The following GEMIN5 variants were observed in gnomAD, a reference collection of about 807,000 sequenced individuals.
GEMIN5 encodes the protein gem-associated protein 5.
Under a neutral mutation model 176.9 loss-of-function variants are expected in GEMIN5, and 124 were observed. That is an observed-to-expected ratio of 0.70 (90% CI 0.61 to 0.81). The LOEUF (loss-of-function observed/expected upper bound fraction) is 0.81, where lower values mean the gene tolerates loss of function less well. GEMIN5 is among the 40% of genes least tolerant of loss of function. The probability of loss-of-function intolerance (pLI) is 0.00; values close to 1 mark genes in which losing one functional copy is unlikely to be tolerated. For missense variants in GEMIN5, 1,843 were observed against 1,814.6 expected, an observed-to-expected ratio of 1.02 and a Z score of -0.28; for synonymous variants, 673 against 665.2, an observed-to-expected ratio of 1.01 and a Z score of -0.18.
At position 154,938,163 on chromosome 5, in the gene GEMIN5, T is replaced by C. The variant is rs1764312768; in HGVS notation, c.-30A>G. On this transcript the variant is annotated 5_prime_UTR_variant, in exon 1 of 28. Coordinates refer to ENST00000285873, the MANE Select transcript of GEMIN5 (RefSeq NM_015465.5). The stretch of plus-strand genomic sequence containing the variant: ...ACAAGCCGTCAGAGACAAGAGAAGC[T>C]GCCACAGCCGACCGCTCGTAGCCTC... 4 of 1,342,142 alleles carry C rather than the reference T, an allele frequency of 3.0e-6. No individual in the cohort carries two copies. Among genetic ancestry groups the C allele is most frequent in the African/African-American group, 3.0e-5 (2 of 66,406 alleles). 83.1% of individuals were successfully genotyped at this position (1,342,142 alleles called of 1,614,324 possible).
At chr5:154,889,062 G>A (rs1328057666) in intron 27 of GEMIN5, among the ~76,000 whole-genome samples, 1 of 152,056 alleles carries the variant, frequency 6.6e-6, no homozygotes, top group Non-Finnish European at 1.5e-5. Flanking sequence ...ATTTTTAGTA[G>A]AGACGGGGTT....
At chr5:154,921,451 A>C in intron 9 of GEMIN5, 26 bp from the exon 10 acceptor site, 1 of 1,043,746 alleles carries the variant, frequency 9.6e-7, no homozygotes, top group African/African-American at 1.6e-5. Context: ...GAGAGAGAAC[A>C]AATGGAGATT....
At chr5:154,936,253 A>G (rs1366767557) in intron 2 of GEMIN5, among the ~76,000 whole-genome samples, 1 of 152,042 alleles carries the variant, frequency 6.6e-6, no homozygotes, top group Non-Finnish European at 1.5e-5. Context: ...CATCTCTGCT[A>G]AAAACATAAA....
chr5:154,911,771 T>C lies in GEMIN5; in HGVS notation c.2123A>G (p.His708Arg). The change falls in exon 15 of 28, where the codon CAC becomes CGC. Residue 708 changes from histidine to arginine, a missense_variant. Coordinates refer to ENST00000285873, the MANE Select transcript of GEMIN5 (RefSeq NM_015465.5). ...IYSGADDFCV[H>R]KWLTSMQDHS... Reference sequence around the variant, plus strand: ...ATCTTGCATGGAAGTGAGCCACTTGTGCACACAAAAGTCATCTGCCCCTGA... The same window carrying C: ...ATCTTGCATGGAAGTGAGCCACTTGCGCACACAAAAGTCATCTGCCCCTGA... 3 of 1,614,076 alleles carry C rather than the reference T, an allele frequency of 1.9e-6. No individual in the cohort carries two copies. In the South Asian group the frequency reaches 3.3e-5, roughly 18 times the overall value.
In GEMIN5 at chr5:154,927,537, G is replaced by C; in HGVS notation, c.928C>G (p.Gln310Glu). The C allele has an allele frequency of 1.2e-6, 2 of 1,602,828 alleles. No individual in the cohort carries two copies. Among genetic ancestry groups the C allele is most frequent in the South Asian group, 2.2e-5 (2 of 90,420 alleles). Residue 310 changes from glutamine (Q) to glutamate (E), a missense_variant, in exon 7 of 28, where the codon CAA (glutamine) becomes GAA (glutamate). Transcript: ENST00000285873. Reference sequence around the variant, plus strand: ...CTCCAAGATTGAGTGAGATCCCATTGCAACAGTTCACCTCTGTGAAGGAAA... The same window carrying C: ...CTCCAAGATTGAGTGAGATCCCATTCCAACAGTTCACCTCTGTGAAGGAAA... ...VSSCFGGELL[Q>E]WDLTQSWRRK...
At chr5:154,900,123 G>A (rs1178841416) in intron 21 of GEMIN5, among the ~76,000 whole-genome samples, 2 of 152,198 alleles carry the variant, frequency 1.3e-5, no homozygotes, top group African/African-American at 2.4e-5. Flanking sequence ...TACCACTTGT[G>A]TGCCTGAGTT....
rs570595893 is a variant in GEMIN5, at chr5:154,927,219, A to T, written c.1080+166T>A. On this transcript the variant is annotated intron_variant, in intron 7 of 27. Transcript: ENST00000285873. Reference sequence around the variant, plus strand: ...TTTGGTGGGTCTTCACATTCTCCTTACATGTGAGCTATTGATATATTCAGT... The same window carrying T: ...TTTGGTGGGTCTTCACATTCTCCTTTCATGTGAGCTATTGATATATTCAGT... 2.0e-5 allele frequency among the ~76,000 whole-genome samples: 3 copies of T among 152,306 alleles called. No individual in the cohort carries two copies. The East Asian group carries it at 5.8e-4, about 29-fold the overall frequency.
At position 154,917,093 on chromosome 5, in the gene GEMIN5, T is replaced by G; in HGVS notation, c.1760A>C (p.His587Pro). ...HHKLVNTISW[H>P]HEHGSQPELS... Reference sequence around the variant, plus strand: ...TTCTGGCTGGCTGCCATGCTCATGATGCCAGCTAATGGTATTCACAAGCTT... The same window carrying G: ...TTCTGGCTGGCTGCCATGCTCATGAGGCCAGCTAATGGTATTCACAAGCTT... Residue 587 changes from histidine (H) to proline (P), a missense_variant, in exon 13 of 28, where the codon CAT (histidine) becomes CCT (proline). By Grantham distance (77) the His-to-Pro change is moderately conservative. Coordinates refer to ENST00000285873, the MANE Select transcript of GEMIN5 (RefSeq NM_015465.5). 1.2e-6 allele frequency: 2 copies of G among 1,609,024 alleles called. No individual in the cohort carries two copies. Among genetic ancestry groups the G allele is most frequent in the Non-Finnish European group, 1.7e-6 (2 of 1,176,062 alleles).
At chr5:154,894,734 T>C (rs1174405072) in intron 24 of GEMIN5, among the ~76,000 whole-genome samples, 1 of 151,916 alleles carries the variant, frequency 6.6e-6, no homozygotes, top group East Asian at 1.9e-4. Context: ...GTGAAACCCC[T>C]GTCTCTACTA....
rs1472268474 is a variant in GEMIN5, at chr5:154,938,009, C to T, written c.125G>A (p.Gly42Asp). 2 of 1,569,564 alleles carry T rather than the reference C, an allele frequency of 1.3e-6. No individual in the cohort carries two copies. The highest frequency in any genetic ancestry group is 8.6e-7 in the Non-Finnish European group (1 of 1,160,698). The change falls in exon 1 of 28, where the codon GGC (glycine) becomes GAC (aspartate). Residue 42 changes from glycine (G) to aspartate (D), a missense_variant. Gly to Asp is a moderately conservative substitution (Grantham distance 94, BLOSUM62 -1). Coordinates refer to ENST00000285873, the MANE Select transcript of GEMIN5 (RefSeq NM_015465.5). ...ARTSVFLVRV[G>D]PGAGESPGTP... is the part of the protein sequence containing the mutation. Reference sequence around the variant, plus strand: ...CCCTGGACTCTCGCCTGCGCCCGGGCCCACGCGGACAAGGAAGACGGAGGT... The same window carrying T: ...CCCTGGACTCTCGCCTGCGCCCGGGTCCACGCGGACAAGGAAGACGGAGGT...
At chr5:154,890,371 C>T (rs1239146514) in intron 26 of GEMIN5, among the ~76,000 whole-genome samples, 3 of 152,052 alleles carry the variant, frequency 2.0e-5, no homozygotes, top group Non-Finnish European at 4.4e-5. Flanking sequence ...TATGACACAG[C>T]CCTCAGGAGG....
chr5:154,912,798 A>G, intron 14 of GEMIN5, 101 bp downstream of exon 14: 1 of 999,592 alleles, frequency 1.0e-6, no homozygotes, highest in Non-Finnish European at 1.4e-6. Context: ...GTAGATGATG[A>G]TAATGGGGGA....
At chr5:154,907,199 T>C (rs997762472) in intron 16 of GEMIN5, among the ~76,000 whole-genome samples, 1 of 152,208 alleles carries the variant, frequency 6.6e-6, no homozygotes, top group Non-Finnish European at 1.5e-5. Context: ...ACAGTGGTGG[T>C]AGCTTCTAGG....
chr5:154,893,418 C>CAA (rs1296304143), intron 24 of GEMIN5, among the ~76,000 whole-genome samples: 2 of 126,748 alleles, frequency 1.6e-5, no homozygotes, highest in African/African-American at 5.9e-5. Flanking sequence ...GACGCTGTCT[C>CAA]AAAAAAAAAA....
intron 7 of GEMIN5, 119 bp from the exon 8 acceptor site, chr5:154,926,193 G>T (rs762124292): frequency 8.0e-6 from 5 of 622,138 alleles, no homozygotes; most frequent in African/African-American, 7.4e-5. Context: ...ATGTCTTCCA[G>T]CAGGAATTGA....
Position 154,935,827 on chromosome 5 carries a change from G to A in GEMIN5, c.509+14C>T, listed in dbSNP as rs750093612. The A allele has an allele frequency of 6.4e-6, 10 of 1,568,732 alleles. No individual in the cohort carries two copies. Among genetic ancestry groups the A allele is most frequent in the South Asian group, 3.4e-5 (3 of 88,292 alleles). ...ACAAACAAAAATCATCAATACAGAT[G>A]GCATAGTACTTACCCAATGGCTACT... On this transcript the variant is annotated intron_variant, in intron 3 of 27. Coordinates refer to ENST00000285873, the MANE Select transcript of GEMIN5 (RefSeq NM_015465.5).
chr5:154,906,095 A>G (rs1466558386), intron 16 of GEMIN5, among the ~76,000 whole-genome samples: 4 of 151,954 alleles, frequency 2.6e-5, no homozygotes, highest in Admixed American at 2.6e-4. Flanking sequence ...TCCTGGGCTC[A>G]GGTGATCCTC....
intron 16 of GEMIN5, 55 bp downstream of exon 16, chr5:154,907,536 A>T: frequency 7.9e-7 from 1 of 1,263,668 alleles, no homozygotes; most frequent in Non-Finnish European, 1.2e-6. Flanking sequence ...GACCTAGCTT[A>T]GTTTCCCAGA....
chr5:154,904,104 A>AG (rs1763522722), intron 18 of GEMIN5, among the ~76,000 whole-genome samples: 3 of 151,930 alleles, frequency 2.0e-5, no homozygotes, highest in Non-Finnish European at 4.4e-5. Flanking sequence ...TTTTTTCTAA[A>AG]AAAATGCCAT....
Sources: gnomAD v4.1 joint callset for allele counts (sites outside exome capture counted in the v4.1 genomes callset) on GRCh38, gnomAD v4.1.1 for gene constraint, MANE v1.5 for transcripts, NCBI Gene and HGNC (gene_info 2026-07-23, HGNC 2026-07-21) for gene names.